The following CLTC variants were observed in gnomAD, a reference collection of about 807,000 sequenced individuals.
CLTC encodes clathrin heavy chain.
CLTC carries 16 observed loss-of-function variants against 195.8 expected under a neutral mutation model. The observed-to-expected ratio is 0.08, with a 90% CI of 0.06 to 0.12. The LOEUF (loss-of-function observed/expected upper bound fraction) is 0.12, where lower values mean the gene tolerates loss of function less well. Ranked by LOEUF, CLTC falls within the 10% of genes least tolerant of loss-of-function variation. The pLI, the probability that CLTC is intolerant of heterozygous loss-of-function variation, is 1.00. For synonymous variants in CLTC, 667 were observed against 689.4 expected, an observed-to-expected ratio of 0.97 and a Z score of 0.51; for missense variants, 796 against 2,027.0, an observed-to-expected ratio of 0.39 and a Z score of 11.66.
At position 59,620,181 on chromosome 17, in the gene CLTC, C is replaced by T; in HGVS notation, c.42+8C>T. 2 of 1,613,918 alleles carry T rather than the reference C, an allele frequency of 1.2e-6. No homozygotes were observed. The highest frequency in any genetic ancestry group is 1.3e-5 in the African/African-American group (1 of 74,978). On this transcript the variant is annotated splice_region_variant and intron_variant, in intron 1 of 31. Coordinates refer to ENST00000269122, the MANE Select transcript of CLTC (RefSeq NM_004859.4). Reference sequence around the variant, plus strand: ...TTTCAGGAGCATCTCCAGGTGCGGCCGGGCCCGGGCTGGTGAGGGCTGTGG... The same window carrying T: ...TTTCAGGAGCATCTCCAGGTGCGGCTGGGCCCGGGCTGGTGAGGGCTGTGG...
At position 59,660,600 on chromosome 17, in the gene CLTC, T is replaced by C. The variant is rs1598223106; in HGVS notation, c.1167+12T>C. 4 of 1,612,990 alleles carry C rather than the reference T, an allele frequency of 2.5e-6. No individual in the cohort carries two copies. The highest frequency in any genetic ancestry group is 2.5e-6 in the Non-Finnish European group (3 of 1,178,940). On this transcript the variant is annotated intron_variant, in intron 7 of 31. Coordinates refer to ENST00000269122, the MANE Select transcript of CLTC (RefSeq NM_004859.4). The stretch of plus-strand genomic sequence containing the variant: ...CTAATGCACCAAAGGTAAAGAGTTA[T>C]GAAAATGAAGTTGTCATGACATTAA...
intron 1 of CLTC, among the ~76,000 whole-genome samples, chr17:59,634,049 C>T (rs573795084): frequency 6.6e-6 from 1 of 152,246 alleles, no homozygotes; most frequent in African/African-American, 2.4e-5. Context: ...GCTAGAACTA[C>T]AGGTGCACAC....
Position 59,666,036 on chromosome 17 carries a change from T to G in CLTC, c.1645-67T>G. The G allele has an allele frequency of 8.6e-7, 1 of 1,167,098 alleles. No individual in the cohort carries two copies. 72.3% of individuals were successfully genotyped at this position (1,167,098 alleles called of 1,614,324 possible). On this transcript the variant is annotated intron_variant, in intron 10 of 31. Transcript: ENST00000269122. The surrounding 1 kb of genome is among the most constrained non-coding windows in gnomAD (Gnocchi z 4.9). The stretch of plus-strand genomic sequence containing the variant: ...AATTCTCAGGTAAAGAAAGAGTTCA[T>G]GCATAATTTTGTCTACATACTCTCC...
intron 31 of CLTC, among the ~76,000 whole-genome samples, chr17:59,692,641 CT>C (rs574645442): frequency 1.3e-5 from 2 of 151,540 alleles, no homozygotes; most frequent in Non-Finnish European, 2.9e-5. Flanking sequence ...CTGAATATGT[CT>C]TTTTTTTTCC....
chr17:59,634,072 A>G (rs987377563), intron 1 of CLTC, among the ~76,000 whole-genome samples: 2 of 151,992 alleles, frequency 1.3e-5, no homozygotes, highest in Non-Finnish European at 2.9e-5. Flanking sequence ...CCACGCCTGG[A>G]CAGTTTTTTT....
At chr17:59,651,179 A>G (rs1397500762) in intron 4 of CLTC, 24 bp from the exon 5 acceptor site, 1 of 1,447,674 alleles carries the variant, frequency 6.9e-7, no homozygotes. Context: ...AGGTTTATAT[A>G]CATTTTGATT....
intron 4 of CLTC, among the ~76,000 whole-genome samples, chr17:59,649,619 G>GTC (rs1189395334): frequency 6.6e-6 from 1 of 152,176 alleles, no homozygotes; most frequent in Non-Finnish European, 1.5e-5. Flanking sequence ...TAGGACATGT[G>GTC]TCTCTCTCTT....
At chr17:59,654,268 C>T (rs759863165) in intron 5 of CLTC, among the ~76,000 whole-genome samples, 24 of 149,436 alleles carry the variant, frequency 1.6e-4, no homozygotes, top group Non-Finnish European at 3.0e-4. Context: ...CTCCACGTCT[C>T]GGGTTCAAGT....
chr17:59,669,291 C>T (rs183488980), intron 14 of CLTC, among the ~76,000 whole-genome samples: 77 of 152,286 alleles, frequency 5.1e-4, no homozygotes, highest in African/African-American at 1.7e-3. Flanking sequence ...CATCAGCTTG[C>T]TCTTCATACC....
intron 17 of CLTC, among the ~76,000 whole-genome samples, chr17:59,678,836 T>C (rs534681774): frequency 5.2e-5 from 5 of 95,446 alleles, no homozygotes; most frequent in South Asian, 4.3e-4. Context: ...CCCCCGTCTC[T>C]ACAAAAAATT....
At chr17:59,687,595 A>G (rs1157364082) in intron 30 of CLTC, among the ~76,000 whole-genome samples, 3 of 151,754 alleles carry the variant, frequency 2.0e-5, no homozygotes, top group African/African-American at 7.3e-5. Context: ...TTCCGAAGAG[A>G]CTTTCCTCAT....
chr17:59,661,458 C>T lies in CLTC; in HGVS notation c.1183C>T (p.Pro395Ser). ...ANAPKGILRT[P>S]DTIRRFQSVP... ...CTTCTTAAAGGGAATTCTTCGTACT[C>T]CAGACACTATCCGTCGGTTCCAGAG... Residue 395 changes from proline to serine, a missense_variant, in exon 8 of 32, where the codon CCA becomes TCA. Around this residue, in one of 9 missense-constraint regions of CLTC, gnomAD observed 293 missense variants for 795.6 expected, o/e 0.37. Transcript: ENST00000269122. 3 of 1,613,844 alleles carry T rather than the reference C, an allele frequency of 1.9e-6. No individual in the cohort carries two copies. The highest frequency in any genetic ancestry group is 2.5e-6 in the Non-Finnish European group (3 of 1,179,844).
chr17:59,627,428 T>C lies in CLTC; in HGVS notation c.42+7255T>C, dbSNP rs559985038. ...ACTGAAGTTCATAGTAGGTAACTTTTAGAGTCACACAGCTAGTGAGCAGTC... is the reference window on the plus strand; with the variant it reads ...ACTGAAGTTCATAGTAGGTAACTTTCAGAGTCACACAGCTAGTGAGCAGTC... On this transcript the variant is annotated intron_variant, in intron 1 of 31. Transcript: ENST00000269122. Among the ~76,000 whole-genome samples, 3 of 152,346 alleles carry C rather than the reference T, an allele frequency of 2.0e-5. No homozygotes were observed. In the East Asian group the frequency reaches 5.8e-4, roughly 29 times the overall value.
intron 16 of CLTC, among the ~76,000 whole-genome samples, chr17:59,676,465 G>T (rs750946294): frequency 7.2e-5 from 11 of 152,132 alleles, no homozygotes; most frequent in Non-Finnish European, 1.5e-4. Flanking sequence ...AAAATTTTCT[G>T]AAGTCTAGAT....
At chr17:59,679,848 C>A (rs187205819) in intron 18 of CLTC, among the ~76,000 whole-genome samples, 4 of 152,112 alleles carry the variant, frequency 2.6e-5, no homozygotes, top group African/African-American at 9.6e-5. Context: ...GTGGGTGGAT[C>A]ACCTGAAGTC....
chr17:59,638,856 C>A (rs2031947809), intron 1 of CLTC, among the ~76,000 whole-genome samples: 1 of 152,124 alleles, frequency 6.6e-6, no homozygotes, highest in African/African-American at 2.4e-5. Context: ...AGCCGAAGTA[C>A]TATTTTCTCA....
intron 31 of CLTC, among the ~76,000 whole-genome samples, chr17:59,691,632 AATATATATATATATATACAT>A (rs1243285839): frequency 6.9e-6 from 1 of 145,502 alleles, no homozygotes; most frequent in Non-Finnish European, 1.5e-5. Context: ...TTAAAAAAAA[AATATATATATATATATACAT>A]ATATATATAT....
At chr17:59,656,894 A>G (rs2032484181) in intron 6 of CLTC, among the ~76,000 whole-genome samples, 3 of 151,878 alleles carry the variant, frequency 2.0e-5, no homozygotes, top group African/African-American at 7.2e-5. Context: ...GGCTGGTCTC[A>G]AACTCCTGAC....
At chr17:59,642,235 T>G (rs1288615448) in intron 1 of CLTC, among the ~76,000 whole-genome samples, 1 of 152,104 alleles carries the variant, frequency 6.6e-6, no homozygotes, top group African/African-American at 2.4e-5. Context: ...TAGAATCACT[T>G]GGGGTTCAGT....
Sources: gnomAD v4.1 joint callset for allele counts (sites outside exome capture counted in the v4.1 genomes callset) on GRCh38, gnomAD v4.1.1 for gene constraint, gnomAD v4.1.1 regional missense constraint, Gnocchi (gnomAD v3.1) non-coding constraint, MANE v1.5 for transcripts, NCBI Gene and HGNC (gene_info 2026-07-23, HGNC 2026-07-21) for gene names.